The following LPIN2 variants were observed in gnomAD, a reference collection of about 807,000 sequenced individuals.
LPIN2 encodes the protein lipin 2.
A neutral mutation model predicts 111.4 loss-of-function variants in LPIN2; 55 were observed. The ratio of observed to expected loss-of-function variants is 0.49; its 90% confidence interval spans 0.40 to 0.62. LPIN2 has a LOEUF of 0.62. Ranked by LOEUF, LPIN2 falls within the 20% of genes least tolerant of loss-of-function variation. The pLI, the probability that LPIN2 is intolerant of heterozygous loss-of-function variation, is 0.00. For missense variants in LPIN2, 992 were observed against 1,112.1 expected (o/e 0.89, Z 1.54); for synonymous variants, 425 against 414.0 (o/e 1.03, Z -0.32).
In LPIN2 at chr18:2,929,727, G is replaced by A. The variant is rs146154761; in HGVS notation, c.1457-569C>T. ...TAGGGACTAGCCTGGCCAATACGGT[G>A]AAAACCCATCTCTACTAAAAATACA... On this transcript the variant is annotated intron_variant, in intron 9 of 19. Transcript: ENST00000677752. Among the ~76,000 whole-genome samples, 66 of 152,258 alleles carry A rather than the reference G, an allele frequency of 4.3e-4. 1 individual carries two copies. In the Middle Eastern group the frequency reaches 0.01, roughly 24 times the overall value.
chr18:2,959,953 G>A (rs1016974900), intron 2 of LPIN2, among the ~76,000 whole-genome samples: 14 of 152,250 alleles, frequency 9.2e-5, no homozygotes, highest in Admixed American at 7.8e-4. Flanking sequence ...TGGATCACTT[G>A]AGGTCAGGAG....
At chr18:2,958,938 A>T (rs564725093) in intron 2 of LPIN2, among the ~76,000 whole-genome samples, 3 of 152,330 alleles carry the variant, frequency 2.0e-5, no homozygotes, top group East Asian at 3.9e-4. Context: ...CAAAAAAAAA[A>T]AATAATGATG....
At chr18:3,009,078 G>A (rs942517612) in intron 1 of LPIN2, among the ~76,000 whole-genome samples, 3 of 151,836 alleles carry the variant, frequency 2.0e-5, no homozygotes, top group African/African-American at 7.3e-5. Context: ...ACCAGCCTGC[G>A]CAACACAGGG....
chr18:2,988,891 G>T (rs1428693836), intron 1 of LPIN2, among the ~76,000 whole-genome samples: 2 of 152,024 alleles, frequency 1.3e-5, no homozygotes, highest in East Asian at 3.8e-4. Context: ...TCAGGAACAG[G>T]GCATTTAGTT....
At chr18:2,934,741 T>A (rs1017794213) in intron 7 of LPIN2, among the ~76,000 whole-genome samples, 1 of 152,216 alleles carries the variant, frequency 6.6e-6, no homozygotes, top group Non-Finnish European at 1.5e-5. Context: ...GAAGTCTTTT[T>A]TGTATTTATA....
At position 2,958,277 on chromosome 18, in the gene LPIN2, ACTC is replaced by A. The variant is rs2077655202; in HGVS notation, c.192+2369_192+2371del. On this transcript the variant is annotated intron_variant, in intron 2 of 19. Coordinates refer to ENST00000677752, the MANE Select transcript of LPIN2 (RefSeq NM_001375808.2). The stretch of plus-strand genomic sequence containing the variant: ...GTACACATTTACCTTCTAAAAGTAA[ACTC>A]CTAAGTTACTAAATTTACTGGGAGT... Among the ~76,000 whole-genome samples, 8 of 151,892 alleles carry A rather than the reference ACTC, an allele frequency of 5.3e-5. No individual in the cohort carries two copies. In the South Asian group the frequency reaches 1.7e-3, roughly 32 times the overall value.
intron 4 of LPIN2, chr18:2,946,512 TC>T: frequency 6.4e-7 from 1 of 1,565,904 alleles, no homozygotes; most frequent in Non-Finnish European, 8.8e-7. Context: ...TGACCGCAGC[TC>T]CGGTTGTAGC....
chr18:2,999,346 C>A (rs1567862664), intron 1 of LPIN2, among the ~76,000 whole-genome samples: 1 of 152,034 alleles, frequency 6.6e-6, no homozygotes, highest in African/African-American at 2.4e-5. Flanking sequence ...CCTGTAATCC[C>A]AGCACTCTGG....
In LPIN2 at chr18:2,993,257, A is replaced by G. The variant is rs558290853; in HGVS notation, c.-10+19830T>C. On this transcript the variant is annotated intron_variant, in intron 1 of 19. Coordinates refer to ENST00000677752, the MANE Select transcript of LPIN2 (RefSeq NM_001375808.2). ...AAAAGGTAGGAGAAGAAAAATAGGA[A>G]TTAAAATTATGCAATAAAACTCTAA... 3.3e-5 allele frequency among the ~76,000 whole-genome samples: 5 copies of G among 152,324 alleles called. No homozygotes were observed. The East Asian group carries it at 7.7e-4, about 23-fold the overall frequency.
rs1160354235 is a variant in LPIN2 at position 2,918,090 on chromosome 18, C to T, written c.*2203G>A. 6.7e-6 allele frequency: 1 copy of T among 149,044 alleles called. No homozygotes were observed. Among genetic ancestry groups the T allele is most frequent in the Non-Finnish European group, 1.5e-5 (1 of 67,804 alleles). The allele number at this position is 149,044 out of a possible 1,614,324, so 9.2% of individuals were successfully genotyped here. A position where few individuals can be genotyped will look rare whatever the true frequency, so the allele number is the denominator to read the frequency against. On this transcript the variant is annotated 3_prime_UTR_variant, in exon 20 of 20. Transcript: ENST00000677752. ...TTTCAGCAAGAGGGACTCCTTTAAACAAGGAAAAAGACTCACATTAATTAG... is the reference window on the plus strand; with the variant it reads ...TTTCAGCAAGAGGGACTCCTTTAAATAAGGAAAAAGACTCACATTAATTAG...
At chr18:2,971,024 G>A (rs1434464988) in intron 1 of LPIN2, among the ~76,000 whole-genome samples, 1 of 152,106 alleles carries the variant, frequency 6.6e-6, no homozygotes, top group African/African-American at 2.4e-5. Context: ...TCCGAGTGGC[G>A]GCCCAGACCT....
chr18:3,004,181 T>C lies in LPIN2; in HGVS notation c.-10+8906A>G, dbSNP rs578133353. ...AAGACAATATGTGCACAGCAGGACATAGACCCTCATCAGTAATTCTAATTT... is the reference window on the plus strand; with the variant it reads ...AAGACAATATGTGCACAGCAGGACACAGACCCTCATCAGTAATTCTAATTT... On this transcript the variant is annotated intron_variant, in intron 1 of 19. Coordinates refer to ENST00000677752, the MANE Select transcript of LPIN2 (RefSeq NM_001375808.2). 1.6e-3 allele frequency among the ~76,000 whole-genome samples: 242 copies of C among 152,336 alleles called. 1 individual carries two copies. Among genetic ancestry groups the C allele is most frequent in the African/African-American group, 4.4e-3 (181 of 41,572 alleles).
At chr18:2,996,452 C>T in intron 1 of LPIN2, among the ~76,000 whole-genome samples, 1 of 150,142 alleles carries the variant, frequency 6.7e-6, no homozygotes, top group Non-Finnish European at 1.5e-5. Flanking sequence ...ACATGCTTAC[C>T]TCCCAGGAAA....
chr18:2,948,682 G>T (rs139556883), intron 4 of LPIN2, among the ~76,000 whole-genome samples: 489 of 152,252 alleles, frequency 3.2e-3, no homozygotes, highest in Middle Eastern at 0.017. Flanking sequence ...ACTTCTGGGA[G>T]CATTACAAGG....
In LPIN2 at chr18:2,917,003, T is replaced by C. The variant is rs1183597534; in HGVS notation, c.*3290A>G. The C allele has an allele frequency of 1.3e-5, 2 of 152,240 alleles. No individual in the cohort carries two copies. Among genetic ancestry groups the C allele is most frequent in the East Asian group, 3.8e-4 (2 of 5,200 alleles). The allele number at this position is 152,240 out of a possible 1,614,324, so 9.4% of individuals were successfully genotyped here. A position where few individuals can be genotyped will look rare whatever the true frequency, so the allele number is the denominator to read the frequency against. ...AAAAGAGCCAAATGCATTCAGTTTA[T>C]GTTATGTTCGTTTATTGTTGTAACA... On this transcript the variant is annotated 3_prime_UTR_variant, in exon 20 of 20. Coordinates refer to ENST00000677752, the MANE Select transcript of LPIN2 (RefSeq NM_001375808.2).
intron 1 of LPIN2, among the ~76,000 whole-genome samples, chr18:3,012,823 C>T (rs1375283893): frequency 6.6e-6 from 1 of 151,744 alleles, no homozygotes; most frequent in Non-Finnish European, 1.5e-5. Flanking sequence ...CGGCTCCCCG[C>T]GCACCCCGCC....
At chr18:2,997,313 G>A (rs1367720889) in intron 1 of LPIN2, among the ~76,000 whole-genome samples, 1 of 151,840 alleles carries the variant, frequency 6.6e-6, no homozygotes, top group East Asian at 1.9e-4. Flanking sequence ...TTTTAGTAGA[G>A]ATGGGGTTTT....
chr18:2,919,693 T>C lies in LPIN2; in HGVS notation c.*600A>G, dbSNP rs534253436. The C allele has an allele frequency of 1.9e-5, 3 of 160,172 alleles. No homozygotes were observed. The highest frequency in any genetic ancestry group is 2.8e-5 in the Non-Finnish European group (2 of 72,346). 9.9% of individuals were successfully genotyped at this position (160,172 alleles called of 1,614,324 possible). On this transcript the variant is annotated 3_prime_UTR_variant, in exon 20 of 20. Coordinates refer to ENST00000677752, the MANE Select transcript of LPIN2 (RefSeq NM_001375808.2). The stretch of plus-strand genomic sequence containing the variant: ...CTTTCCCCAAAGAGGGCCAGGTTTA[T>C]GGGACTGGGCTCAGTGGCTCTGGTG...
chr18:2,990,471 A>G (rs2078248749), intron 1 of LPIN2, among the ~76,000 whole-genome samples: 1 of 152,246 alleles, frequency 6.6e-6, no homozygotes, highest in African/African-American at 2.4e-5. Context: ...ATATGGGCAA[A>G]GGATCTAGAT....
Sources: gnomAD v4.1 joint callset for allele counts (sites outside exome capture counted in the v4.1 genomes callset) on GRCh38, gnomAD v4.1.1 for gene constraint, MANE v1.5 for transcripts, NCBI Gene and HGNC (gene_info 2026-07-23, HGNC 2026-07-21) for gene names.